TENM2: variants seen among roughly 807,000 people sequenced by gnomAD.
TENM2 encodes teneurin-2.
TENM2 carries 52 observed loss-of-function variants against 245.2 expected under a neutral mutation model. That is an observed-to-expected ratio of 0.21 (90% CI 0.17 to 0.27). The LOEUF (loss-of-function observed/expected upper bound fraction) is 0.27, where lower values mean the gene tolerates loss of function less well. TENM2 is among the 10% of genes least tolerant of loss of function. The probability of loss-of-function intolerance (pLI) is 1.00; values close to 1 mark genes in which losing one functional copy is unlikely to be tolerated. For missense variants in TENM2, 3,046 were observed against 3,666.8 expected (o/e 0.83, Z 4.37); for synonymous variants, 1,363 against 1,438.9 (o/e 0.95, Z 1.19).
intron 2 of TENM2, among the ~76,000 whole-genome samples, chr5:167,642,703 G>A (rs373930516): frequency 3.9e-5 from 6 of 152,282 alleles, no homozygotes; most frequent in African/African-American, 1.4e-4. Context: ...TAAAAGGATT[G>A]GACATACAGA....
intron 5 of TENM2, among the ~76,000 whole-genome samples, chr5:167,995,855 G>A: frequency 6.6e-6 from 1 of 152,320 alleles, no homozygotes; most frequent in Admixed American, 6.5e-5. Flanking sequence ...GAGAACCAAT[G>A]ATTGTGCCCA....
At chr5:168,163,536 G>A (rs1757937207) in intron 13 of TENM2, among the ~76,000 whole-genome samples, 1 of 152,106 alleles carries the variant, frequency 6.6e-6, no homozygotes. Context: ...CAGCACTTTG[G>A]GAGGCCATCA....
intron 2 of TENM2, among the ~76,000 whole-genome samples, chr5:167,389,377 C>T (rs1031832087): frequency 1.3e-5 from 2 of 151,690 alleles, no homozygotes; most frequent in Admixed American, 6.6e-5. Flanking sequence ...GTGTGTCTAT[C>T]TGAGAGAAAG....
chr5:166,994,242 G>C, the TENM2 span, among the ~76,000 whole-genome samples: 1 of 152,190 alleles, frequency 6.6e-6, no homozygotes, highest in Non-Finnish European at 1.5e-5. Context: ...TTCACTTTTT[G>C]TCACGCATGC....
chr5:167,798,632 C>G (rs1036351478), intron 2 of TENM2, among the ~76,000 whole-genome samples: 2 of 152,126 alleles, frequency 1.3e-5, no homozygotes, highest in African/African-American at 4.8e-5. Flanking sequence ...TCCAACAGAT[C>G]GCAGACTCCG....
chr5:167,873,622 G>T (rs531100292), intron 2 of TENM2, among the ~76,000 whole-genome samples: 18 of 152,294 alleles, frequency 1.2e-4, no homozygotes, highest in African/African-American at 4.1e-4. Flanking sequence ...AACTAGCACA[G>T]CGAGTGGCAG....
the TENM2 span, among the ~76,000 whole-genome samples, chr5:166,998,646 A>T: frequency 6.6e-6 from 1 of 152,220 alleles, no homozygotes; most frequent in East Asian, 1.9e-4. Flanking sequence ...TGGAGGAGAA[A>T]TGTATAGATT....
chr5:166,995,085 G>A, the TENM2 span, among the ~76,000 whole-genome samples: 1 of 151,888 alleles, frequency 6.6e-6, no homozygotes, highest in African/African-American at 2.4e-5. Flanking sequence ...TGTCAGAGAG[G>A]TTGCTATATT....
At chr5:167,595,418 AT>A (rs1640690986) in intron 2 of TENM2, among the ~76,000 whole-genome samples, 1 of 152,238 alleles carries the variant, frequency 6.6e-6, no homozygotes, top group African/African-American at 2.4e-5. Flanking sequence ...GATGGAGGAG[AT>A]GAAACTGACT....
At chr5:167,538,717 T>G (rs1437194514) in intron 2 of TENM2, among the ~76,000 whole-genome samples, 1 of 152,240 alleles carries the variant, frequency 6.6e-6, no homozygotes, top group East Asian at 1.9e-4. Context: ...TTGTCATAGA[T>G]GACCTTCTCC....
chr5:167,471,381 T>C (rs1767017696), intron 2 of TENM2, among the ~76,000 whole-genome samples: 1 of 152,114 alleles, frequency 6.6e-6, no homozygotes, highest in African/African-American at 2.4e-5. Context: ...TCTGTAGCAG[T>C]TTTCTAAAAA....
chr5:167,584,851 C>A (rs1325303928), intron 2 of TENM2, among the ~76,000 whole-genome samples: 1 of 151,938 alleles, frequency 6.6e-6, no homozygotes. Context: ...CCCGCCACCA[C>A]GCCCGGCTAA....
intron 2 of TENM2, among the ~76,000 whole-genome samples, chr5:167,400,970 A>C (rs1309701700): frequency 6.6e-6 from 1 of 152,026 alleles, no homozygotes; most frequent in Non-Finnish European, 1.5e-5. Context: ...TCATGCCTGC[A>C]ATCCTAGCGT....
intron 2 of TENM2, among the ~76,000 whole-genome samples, chr5:167,754,757 C>T (rs1031975139): frequency 1.4e-5 from 2 of 144,676 alleles, no homozygotes; most frequent in African/African-American, 2.5e-5. Context: ...TGTCAAACAA[C>T]GTTAACCCAG....
At chr5:168,143,985 G>C (rs1755801446) in intron 12 of TENM2, among the ~76,000 whole-genome samples, 1 of 150,752 alleles carries the variant, frequency 6.6e-6, no homozygotes, top group Admixed American at 6.6e-5. Flanking sequence ...GAGTAGCTGG[G>C]ATTACAGGCA....
intron 5 of TENM2, among the ~76,000 whole-genome samples, chr5:168,002,267 T>C (rs1195130347): frequency 6.6e-6 from 1 of 152,200 alleles, no homozygotes; most frequent in African/African-American, 2.4e-5. Flanking sequence ...GTGGGGAGAT[T>C]CGTGCAAACA....
At chr5:167,638,132 T>C (rs1003976369) in intron 2 of TENM2, among the ~76,000 whole-genome samples, 4 of 128,498 alleles carry the variant, frequency 3.1e-5, no homozygotes, top group Non-Finnish European at 7.1e-5. Context: ...TGTGTGTGTG[T>C]GTGTGTGTGT....
At chr5:167,609,090 GT>G (rs1777262824) in intron 2 of TENM2, among the ~76,000 whole-genome samples, 1 of 152,022 alleles carries the variant, frequency 6.6e-6, no homozygotes, top group Admixed American at 6.6e-5. Flanking sequence ...TAAAGAATAG[GT>G]TTTTTTCTTG....
chr5:167,695,746 CAG>C (rs1757720197), intron 2 of TENM2, among the ~76,000 whole-genome samples: 1 of 144,462 alleles, frequency 6.9e-6, no homozygotes, highest in Non-Finnish European at 1.5e-5. Context: ...AAAAACAAAA[CAG>C]AATTGGCTGG....
Sources: gnomAD v4.1 joint callset for allele counts (sites outside exome capture counted in the v4.1 genomes callset) on GRCh38, gnomAD v4.1.1 for gene constraint, MANE v1.5 for transcripts, NCBI Gene and HGNC (gene_info 2026-07-23, HGNC 2026-07-21) for gene names.